Variants in FMN1 observed in about 807,000 individuals in gnomAD.
The protein encoded by FMN1 is formin-1.
In FMN1, 110 loss-of-function variants were observed where a neutral mutation model predicts 132.4. The ratio of observed to expected loss-of-function variants is 0.83; its 90% CI spans 0.71 to 0.97. The LOEUF is 0.97. Ranked by LOEUF, FMN1 falls within the 50% of genes least tolerant of loss-of-function variation. FMN1 has a pLI of 0.00. For missense variants in FMN1, 1,792 were observed against 1,705.3 expected (o/e 1.05, Z -0.90); for synonymous variants, 722 against 651.7 (o/e 1.11, Z -1.64).
chr15:33,085,284 T>C (rs1312740349), intron 5 of FMN1, among the ~76,000 whole-genome samples: 2 of 151,958 alleles, frequency 1.3e-5, no homozygotes, highest in South Asian at 2.1e-4. Flanking sequence ...TCCTTTCAGA[T>C]AGAAACCTTA....
intron 9 of FMN1, among the ~76,000 whole-genome samples, chr15:32,935,215 C>G (rs528765771): frequency 6.6e-6 from 1 of 152,138 alleles, no homozygotes; most frequent in African/African-American, 2.4e-5. Flanking sequence ...GCCACTGCAC[C>G]CAGCCGATAG....
intron 4 of FMN1, chr15:33,151,029 C>T: frequency 2.6e-6 from 3 of 1,167,646 alleles, no homozygotes; most frequent in Non-Finnish European, 3.2e-6. Flanking sequence ...GTATGGGCTT[C>T]CCAGCTGCAG....
intron 4 of FMN1, among the ~76,000 whole-genome samples, chr15:33,138,795 G>T (rs1470508892): frequency 6.6e-6 from 1 of 152,170 alleles, no homozygotes; most frequent in Admixed American, 6.5e-5. Flanking sequence ...ATAGTAGTGG[G>T]AGAGGAAAAC....
intron 9 of FMN1, among the ~76,000 whole-genome samples, chr15:32,944,658 A>AC (rs1351052855): frequency 6.6e-6 from 1 of 151,844 alleles, no homozygotes; most frequent in Non-Finnish European, 1.5e-5. Context: ...CGTATTTGGC[A>AC]CCCCATCCCC....
intron 6 of FMN1, among the ~76,000 whole-genome samples, chr15:33,041,390 TAA>T (rs35105966): frequency 0.035 from 4,322 of 121,828 alleles, 98 homozygotes; most frequent in African/African-American, 0.046. Flanking sequence ...CCTCACCAGT[TAA>T]AAAAAAAAAA....
intron 4 of FMN1, among the ~76,000 whole-genome samples, chr15:33,107,008 A>G (rs1026284834): frequency 1.3e-5 from 2 of 151,774 alleles, no homozygotes; most frequent in Admixed American, 1.3e-4. Context: ...GCACCCAAGT[A>G]CTCTACTCAT....
rs1566928919 is a variant in FMN1, at chr15:33,115,496, C to CA, written c.1868-26523_1868-26522insT. On this transcript the variant is annotated intron_variant, in intron 4 of 20. Coordinates refer to ENST00000616417, the MANE Select transcript of FMN1 (RefSeq NM_001277313.2). ...AAACTGGATTTCATCCTTAAGCCCCCCCCCCCCACACACACACGCACACAC... is the reference window on the plus strand; with the variant it reads ...AAACTGGATTTCATCCTTAAGCCCCCACCCCCCCACACACACACGCACACAC... Among the ~76,000 whole-genome samples, 1,068 of 141,726 alleles carry CA rather than the reference C, an allele frequency of 7.5e-3. 4 individuals are homozygous for CA. The highest frequency in any genetic ancestry group is 0.011 in the Non-Finnish European group (732 of 64,768). The allele number at this position is 141,726 out of a possible 152,430, so 93.0% of individuals were successfully genotyped here.
rs193161571 is a variant in FMN1, at chr15:33,037,141, T to G, written c.2161+27816A>C. Reference sequence around the variant, plus strand: ...TTATAAATTATCAAATAAAATAAATTAACAGAACTCACAGTTCTTTCTTGC... The same window carrying G: ...TTATAAATTATCAAATAAAATAAATGAACAGAACTCACAGTTCTTTCTTGC... On this transcript the variant is annotated intron_variant, in intron 6 of 20. Transcript: ENST00000616417. Among the ~76,000 whole-genome samples, 626 of 152,310 alleles carry G rather than the reference T, an allele frequency of 4.1e-3. 26 individuals are homozygous for G. In the South Asian group the frequency reaches 0.085, roughly 21 times the overall value.
Position 32,846,836 on chromosome 15 carries a change from A to G in FMN1, c.3928+10179T>C, listed in dbSNP as rs60301986. ...AATGCCCATTGATGATAGACTGGAT[A>G]AAGAAAATGTGGTACATATATACCA... On this transcript the variant is annotated intron_variant, in intron 17 of 20. Coordinates refer to ENST00000616417, the MANE Select transcript of FMN1 (RefSeq NM_001277313.2). Among the ~76,000 whole-genome samples, 332 of 152,340 alleles carry G rather than the reference A, an allele frequency of 2.2e-3. 2 individuals carry two copies. The highest frequency in any genetic ancestry group is 7.5e-3 in the African/African-American group (310 of 41,574).
At chr15:32,913,508 T>C (rs74720124) in intron 10 of FMN1, among the ~76,000 whole-genome samples, 1,698 of 152,230 alleles carry the variant, frequency 0.011, 32 homozygotes, top group African/African-American at 0.039. Flanking sequence ...TGGGTTCCAG[T>C]CACCCTGTGT....
At chr15:32,927,204 GTTA>G (rs1207244754) in intron 9 of FMN1, among the ~76,000 whole-genome samples, 1 of 151,698 alleles carries the variant, frequency 6.6e-6, no homozygotes, top group African/African-American at 2.4e-5. Flanking sequence ...CTTCCTATTT[GTTA>G]TTATTAATAT....
rs375237808 is a variant in FMN1, at chr15:32,968,787, G to A, written c.2914C>T (p.Arg972Ter). The A allele has an allele frequency of 1.1e-5, 18 of 1,612,256 alleles. No homozygotes were observed. Among genetic ancestry groups the A allele is most frequent in the African/African-American group, 2.7e-5 (2 of 74,382 alleles). The change falls in exon 8 of 21, where the codon CGA (arginine) becomes TGA (stop). Residue 972 changes from arginine (R) to a stop codon, truncating the protein, a stop_gained. Transcript: ENST00000616417. LOFTEE classifies it high-confidence loss of function. ...CAACTGGGCTCGATGGCTGGTTTTC[G>A]AGGACATTGACTGGAAGAAGAGCCA... ...GLGSSSSQCP[R>*]KPAIEPSCPM...
chr15:33,079,903 G>T (rs1237821581), intron 5 of FMN1, among the ~76,000 whole-genome samples: 1 of 151,932 alleles, frequency 6.6e-6, no homozygotes, highest in African/African-American at 2.4e-5. Context: ...TTTCCAAATT[G>T]ATCAGTTCAT....
intron 6 of FMN1, among the ~76,000 whole-genome samples, chr15:33,048,793 C>T (rs1398029195): frequency 6.6e-6 from 1 of 151,958 alleles, no homozygotes; most frequent in Non-Finnish European, 1.5e-5. Flanking sequence ...ACTTATAAAA[C>T]CATCAGATTT....
At position 32,798,838 on chromosome 15, in the gene FMN1, A is replaced by C; in HGVS notation, c.4096T>G (p.Trp1366Gly). 1 of 1,613,506 alleles carries C rather than the reference A, an allele frequency of 6.2e-7. No homozygotes were observed. Among genetic ancestry groups the C allele is most frequent in the Non-Finnish European group, 8.5e-7 (1 of 1,179,706 alleles). The change falls in exon 19 of 21, where the codon TGG becomes GGG. Residue 1366 changes from tryptophan to glycine, a missense_variant. Transcript: ENST00000616417. The stretch of plus-strand genomic sequence containing the variant: ...GATATGTTTTTACTCTCCCGTTTCC[A>C]AATTGTCTTGAAGTCACTGCAGAAC... ...YEFCSDFKTI[W>G]KRESKNISKE...
At chr15:32,777,568 T>TTATATATTACGTATAACATATAACAC (rs2056474195) in intron 19 of FMN1, among the ~76,000 whole-genome samples, 1 of 147,356 alleles carries the variant, frequency 6.8e-6, no homozygotes, top group African/African-American at 2.5e-5. Context: ...ATATAACACT[T>TTATATATTACGTATAACATATAACAC]TATATATTAC....
At chr15:33,044,096 C>T (rs915577953) in intron 6 of FMN1, among the ~76,000 whole-genome samples, 1 of 152,250 alleles carries the variant, frequency 6.6e-6, no homozygotes, top group Non-Finnish European at 1.5e-5. Context: ...GGTATCTACA[C>T]ATTCAGGGCA....
At chr15:33,038,232 A>G (rs2036272860) in intron 6 of FMN1, among the ~76,000 whole-genome samples, 1 of 152,248 alleles carries the variant, frequency 6.6e-6, no homozygotes, top group South Asian at 2.1e-4. Context: ...CGCCTCAAAC[A>G]GTAAAATAAA....
intron 17 of FMN1, among the ~76,000 whole-genome samples, chr15:32,813,737 C>T (rs2057965323): frequency 1.3e-5 from 2 of 152,096 alleles, no homozygotes; most frequent in South Asian, 4.1e-4. Flanking sequence ...TATAACTTAG[C>T]CCAACTATTT....
Sources: allele counts gnomAD v4.1 joint callset (sites outside exome capture counted in the v4.1 genomes callset), GRCh38; gene constraint gnomAD v4.1.1; transcripts MANE v1.5; gene names NCBI Gene and HGNC (gene_info 2026-07-23, HGNC 2026-07-21).